FGD6: variants seen among roughly 807,000 people sequenced by gnomAD.
The protein encoded by FGD6 is FYVE, RhoGEF and PH domain-containing protein 6.
Under a neutral mutation model 149.4 loss-of-function variants are expected in FGD6, and 90 were observed. That is an observed-to-expected ratio of 0.60 (90% CI 0.51 to 0.72). FGD6 has a LOEUF of 0.72. FGD6 is among the 30% of genes least tolerant of loss of function. The pLI is 0.00. For synonymous variants in FGD6, 527 were observed against 584.0 expected (o/e 0.90, Z 1.41); for missense variants, 1,437 against 1,684.8 (o/e 0.85, Z 2.57).
At chr12:95,139,432 T>C (rs1015384794) in intron 6 of FGD6, among the ~76,000 whole-genome samples, 4 of 148,044 alleles carry the variant, frequency 2.7e-5, no homozygotes, top group African/African-American at 1.0e-4. Flanking sequence ...GAGGTGAAAA[T>C]CTGTCTCAAA....
chr12:95,156,401 TA>T (rs1417181571), intron 3 of FGD6, among the ~76,000 whole-genome samples: 1 of 152,098 alleles, frequency 6.6e-6, no homozygotes, highest in Non-Finnish European at 1.5e-5. Flanking sequence ...AGGGATGAAA[TA>T]AACCCCAGTC....
intron 2 of FGD6, among the ~76,000 whole-genome samples, chr12:95,187,480 C>T (rs1176528373): frequency 6.6e-6 from 1 of 151,930 alleles, no homozygotes; most frequent in African/African-American, 2.4e-5. Context: ...TGGTGAAACC[C>T]CGTCTCTACT....
At chr12:95,177,017 G>C (rs11608868) in intron 2 of FGD6, among the ~76,000 whole-genome samples, 3 of 151,846 alleles carry the variant, frequency 2.0e-5, no homozygotes, top group African/African-American at 7.3e-5. Flanking sequence ...TAGTAGAGAC[G>C]GGGTTTCACC....
chr12:95,092,893 C>T, intron 15 of FGD6, 48 bp from the exon 16 acceptor site: 1 of 1,558,866 alleles, frequency 6.4e-7, no homozygotes, highest in Non-Finnish European at 8.7e-7. Flanking sequence ...CACTGCCTGC[C>T]TTTTTATTCG....
At chr12:95,147,996 C>T (rs561698253) in intron 5 of FGD6, among the ~76,000 whole-genome samples, 1 of 152,108 alleles carries the variant, frequency 6.6e-6, no homozygotes, top group South Asian at 2.1e-4. Context: ...GAAGGAAATA[C>T]CAAACCAAGG....
chr12:95,157,972 C>G (rs1049803173), intron 3 of FGD6, among the ~76,000 whole-genome samples: 17 of 151,456 alleles, frequency 1.1e-4, no homozygotes, highest in Non-Finnish European at 2.1e-4. Context: ...CTTAGCCTCC[C>G]GAGTAGCTGG....
At chr12:95,156,097 C>G (rs993832746) in intron 3 of FGD6, among the ~76,000 whole-genome samples, 2 of 152,108 alleles carry the variant, frequency 1.3e-5, no homozygotes, top group African/African-American at 4.8e-5. Context: ...ATTGTGTTAA[C>G]TGCACAAATT....
chr12:95,151,664 T>G (rs1385474336), intron 5 of FGD6, among the ~76,000 whole-genome samples: 2 of 152,188 alleles, frequency 1.3e-5, no homozygotes, highest in African/African-American at 4.8e-5. Context: ...CATGTTTGTA[T>G]GTATCCATTC....
chr12:95,129,829 C>T (rs111915543), intron 8 of FGD6, among the ~76,000 whole-genome samples: 3 of 152,080 alleles, frequency 2.0e-5, no homozygotes, highest in African/African-American at 7.2e-5. Context: ...CATGCTACCA[C>T]GCCCAGCTAA....
intron 14 of FGD6, among the ~76,000 whole-genome samples, chr12:95,102,379 G>A (rs1405795800): frequency 6.7e-6 from 1 of 149,650 alleles, no homozygotes; most frequent in Non-Finnish European, 1.5e-5. Flanking sequence ...GGGAGGCGGG[G>A]GCTGCAGTCA....
intron 3 of FGD6, among the ~76,000 whole-genome samples, chr12:95,157,521 G>C (rs939611535): frequency 4.4e-5 from 6 of 135,144 alleles, no homozygotes; most frequent in African/African-American, 1.1e-4. Flanking sequence ...AGTCATGATC[G>C]TGCCACTGCA....
At position 95,214,347 on chromosome 12, in the gene FGD6, C is replaced by T. The variant is rs1004020935; in HGVS notation, c.16+2878G>A. ...AAGTTAGCAGGAATCAATTTCAATA[C>T]GATTATTGAAAAATTCCTTAATTAT... On this transcript the variant is annotated intron_variant, in intron 1 of 20. Transcript: ENST00000343958. Among the ~76,000 whole-genome samples the T allele has an allele frequency of 3.9e-5, 6 of 152,068 alleles. No homozygotes were observed. In the South Asian group the frequency reaches 6.2e-4, roughly 16 times the overall value.
chr12:95,208,614 T>C (rs767888959), intron 2 of FGD6, among the ~76,000 whole-genome samples: 19 of 152,196 alleles, frequency 1.2e-4, no homozygotes, highest in Non-Finnish European at 1.9e-4. Flanking sequence ...TTGCCACTGG[T>C]TCAAATTCTT....
intron 17 of FGD6, 82 bp from the exon 18 acceptor site, chr12:95,089,778 C>A: frequency 1.3e-6 from 2 of 1,529,888 alleles, no homozygotes; most frequent in Non-Finnish European, 8.9e-7. Flanking sequence ...AACACTGTTG[C>A]ATAAAATATC....
At chr12:95,109,629 G>A (rs1156430627) in intron 9 of FGD6, among the ~76,000 whole-genome samples, 1 of 152,154 alleles carries the variant, frequency 6.6e-6, no homozygotes, top group African/African-American at 2.4e-5. Flanking sequence ...TTGGAAGGCT[G>A]AGGTGGGCGG....
intron 6 of FGD6, among the ~76,000 whole-genome samples, chr12:95,139,485 A>AGTCTCGCTCTGC (rs1879779074): frequency 2.0e-5 from 3 of 149,500 alleles, no homozygotes; most frequent in African/African-American, 4.9e-5. Flanking sequence ...TTTTTTTTTT[A>AGTCTCGCTCTGC]ACTTAAGAAA....
At chr12:95,108,706 T>C (rs889555166) in intron 9 of FGD6, 145 bp from the exon 10 acceptor site, 126 of 921,878 alleles carry the variant, frequency 1.4e-4, no homozygotes, top group Admixed American at 5.0e-5. Flanking sequence ...TAGGCAGAAA[T>C]ATAAGGTTCA....
At chr12:95,146,911 T>A (rs1880034527) in intron 5 of FGD6, among the ~76,000 whole-genome samples, 1 of 152,164 alleles carries the variant, frequency 6.6e-6, no homozygotes, top group Non-Finnish European at 1.5e-5. Context: ...TATGAGCATC[T>A]GAGGCAATGA....
chr12:95,214,067 T>C (rs1195248877), intron 1 of FGD6, among the ~76,000 whole-genome samples: 1 of 152,216 alleles, frequency 6.6e-6, no homozygotes, highest in East Asian at 1.9e-4. Context: ...CCTCATGTAC[T>C]GTGGCCTCTG....
Sources: gnomAD v4.1 joint callset for allele counts (sites outside exome capture counted in the v4.1 genomes callset) on GRCh38, gnomAD v4.1.1 for gene constraint, MANE v1.5 for transcripts, NCBI Gene and HGNC (gene_info 2026-07-23, HGNC 2026-07-21) for gene names.